Variants in GIGYF2 observed in about 807,000 individuals in gnomAD.
GIGYF2 encodes GRB10 interacting GYF protein 2.
Under a neutral mutation model 208.1 loss-of-function variants are expected in GIGYF2, and 25 were observed. That is an observed-to-expected ratio of 0.12 (90% CI 0.09 to 0.17). The LOEUF (loss-of-function observed/expected upper bound fraction) is 0.17, where lower values mean the gene tolerates loss of function less well. Ranked by LOEUF, GIGYF2 falls within the 10% of genes least tolerant of loss-of-function variation. GIGYF2 has a pLI of 1.00. For missense variants in GIGYF2, 1,302 were observed against 1,579.4 expected (o/e 0.82, Z 2.98); for synonymous variants, 534 against 543.8 (o/e 0.98, Z 0.25).
intron 26 of GIGYF2, among the ~76,000 whole-genome samples, chr2:232,846,831 AGCC>A (rs947125939): frequency 2.7e-4 from 41 of 152,380 alleles, no homozygotes; most frequent in African/African-American, 9.9e-4. Flanking sequence ...AAGGTCACAC[AGCC>A]AGCAAATTTC....
In GIGYF2 at chr2:232,845,912, C is replaced by A. The variant is rs372654754; in HGVS notation, c.3460+26C>A. On this transcript the variant is annotated intron_variant, in intron 26 of 28. Coordinates refer to ENST00000373563, the MANE Select transcript of GIGYF2 (RefSeq NM_001103146.3). Reference sequence around the variant, plus strand: ...GTAAGAATTGGGGAGGGAAACCCGGCATGTGGAATGACAGAGCAGGACCCA... The same window carrying A: ...GTAAGAATTGGGGAGGGAAACCCGGAATGTGGAATGACAGAGCAGGACCCA... The A allele has an allele frequency of 3.4e-6, 5 of 1,464,080 alleles. No homozygotes were observed. In the African/African-American group the frequency reaches 7.0e-5, roughly 20 times the overall value. The allele number at this position is 1,464,080 out of a possible 1,614,324, so 90.7% of individuals were successfully genotyped here.
rs1022163333 is a variant in GIGYF2 at position 232,788,893 on chromosome 2, A to T, written c.712+1564A>T. 2.6e-5 allele frequency among the ~76,000 whole-genome samples: 4 copies of T among 152,150 alleles called. No individual in the cohort carries two copies. The East Asian group carries it at 7.7e-4, about 29-fold the overall frequency. ...GTTTGGGGGATATAAAGATCCCCCA[A>T]ATATAAAGTTTGGGTCTGAAAAAAC... On this transcript the variant is annotated intron_variant, in intron 9 of 28. Coordinates refer to ENST00000373563, the MANE Select transcript of GIGYF2 (RefSeq NM_001103146.3).
rs545351064 is a variant in GIGYF2 at position 232,763,713 on chromosome 2, C to G, written c.532+2277C>G. 3.9e-5 allele frequency among the ~76,000 whole-genome samples: 6 copies of G among 152,076 alleles called. No individual in the cohort carries two copies. In the South Asian group the frequency reaches 6.2e-4, roughly 16 times the overall value. On this transcript the variant is annotated intron_variant, in intron 8 of 28. Coordinates refer to ENST00000373563, the MANE Select transcript of GIGYF2 (RefSeq NM_001103146.3). ...GCGTGGTGGGTGAGCACCTGTACTT[C>G]CAGCTACTGAGGGAGACTGAGGCAG... is the stretch of plus-strand genomic sequence containing the variant.
At chr2:232,699,130 C>T (rs12986696) in intron 1 of GIGYF2, among the ~76,000 whole-genome samples, 1,790 of 152,212 alleles carry the variant, frequency 0.012, 32 homozygotes, top group Non-Finnish European at 0.019. Flanking sequence ...ATTTTAAGTG[C>T]CCTGAGAAGG....
At chr2:232,774,219 C>T (rs1277811525) in intron 8 of GIGYF2, among the ~76,000 whole-genome samples, 1 of 152,018 alleles carries the variant, frequency 6.6e-6, no homozygotes, top group East Asian at 1.9e-4. Flanking sequence ...ATATTGCCTC[C>T]AAAACAGATG....
At chr2:232,827,311 C>A (rs985257787) in intron 21 of GIGYF2, among the ~76,000 whole-genome samples, 1 of 152,096 alleles carries the variant, frequency 6.6e-6, no homozygotes, top group African/African-American at 2.4e-5. Context: ...TGCTTTATTG[C>A]GATCTTCACT....
At chr2:232,838,758 C>T (rs1056513150) in intron 22 of GIGYF2, among the ~76,000 whole-genome samples, 1 of 152,068 alleles carries the variant, frequency 6.6e-6, no homozygotes, top group African/African-American at 2.4e-5. Context: ...AATTTTTGCT[C>T]AGTTTTGCCT....
chr2:232,816,773 A>C (rs1403438679), intron 19 of GIGYF2, 98 bp from the exon 20 acceptor site: 2 of 891,136 alleles, frequency 2.2e-6, no homozygotes, highest in Admixed American at 1.8e-5. Flanking sequence ...AGTACGGTAC[A>C]AGCAGCTGAT....
At position 232,749,006 on chromosome 2, in the gene GIGYF2, A is replaced by G. The variant is rs1698248203; in HGVS notation, c.191A>G (p.Asp64Gly). ...KDNKIPSDLL[D>G]KEFLPILQEE... is the part of the protein sequence containing the mutation. ...CTACAGATACCTTCAGACCTTCTGGATAAAGAATTTCTGCCTATCCTCCAG... is the reference window on the plus strand; with the variant it reads ...CTACAGATACCTTCAGACCTTCTGGGTAAAGAATTTCTGCCTATCCTCCAG... The change falls in exon 5 of 29, where the codon GAT becomes GGT. Residue 64 changes from aspartate to glycine, a missense_variant. This residue lies in a region of GIGYF2 where 189 missense variants were observed against 257.7 expected (regional missense o/e 0.73). Coordinates refer to ENST00000373563, the MANE Select transcript of GIGYF2 (RefSeq NM_001103146.3). The G allele has an allele frequency of 6.3e-7, 1 of 1,587,498 alleles. No homozygotes were observed. The highest frequency in any genetic ancestry group is 8.7e-7 in the Non-Finnish European group (1 of 1,155,682).
intron 8 of GIGYF2, chr2:232,767,413 C>T (rs1574854921): frequency 6.6e-6 from 1 of 152,450 alleles, no homozygotes; most frequent in South Asian, 2.1e-4. Context: ...TGCTAGAAGT[C>T]ATTTAGATGA....
At chr2:232,805,447 G>C (rs1313589700) in intron 14 of GIGYF2, among the ~76,000 whole-genome samples, 1 of 140,398 alleles carries the variant, frequency 7.1e-6, no homozygotes, top group Non-Finnish European at 1.7e-5. Flanking sequence ...TATTACATCT[G>C]TCTGTCTCTG....
chr2:232,846,849 T>G (rs1162089094), intron 26 of GIGYF2, among the ~76,000 whole-genome samples: 1 of 152,196 alleles, frequency 6.6e-6, no homozygotes, highest in Non-Finnish European at 1.5e-5. Flanking sequence ...AATTTCAGAG[T>G]CAGGTTTTAA....
At chr2:232,811,060 C>A in intron 16 of GIGYF2, 184 bp from the exon 17 acceptor site, 1 of 562,406 alleles carries the variant, frequency 1.8e-6, no homozygotes. Flanking sequence ...TCAGTTCTTT[C>A]TAGAATGAAG....
At chr2:232,771,710 A>G (rs1395908480) in intron 8 of GIGYF2, among the ~76,000 whole-genome samples, 4 of 152,250 alleles carry the variant, frequency 2.6e-5, no homozygotes, top group African/African-American at 4.8e-5. Context: ...CCGGGTGTCA[A>G]GCATTTATTG....
intron 1 of GIGYF2, among the ~76,000 whole-genome samples, chr2:232,700,126 G>T (rs1039717876): frequency 6.6e-6 from 1 of 152,162 alleles, no homozygotes; most frequent in African/African-American, 2.4e-5. Context: ...CTTTGGAGTA[G>T]GTTTGCCTCA....
At chr2:232,815,945 G>A in intron 19 of GIGYF2, 1 of 552,986 alleles carries the variant, frequency 1.8e-6, no homozygotes, top group Non-Finnish European at 3.2e-6. Flanking sequence ...TACTATGTTT[G>A]GTTTGGTTAG....
chr2:232,848,233 A>G (rs1401568990), intron 27 of GIGYF2, among the ~76,000 whole-genome samples: 1 of 152,212 alleles, frequency 6.6e-6, no homozygotes, highest in Non-Finnish European at 1.5e-5. Flanking sequence ...TAGCACTACT[A>G]TTCGTGCCCA....
At chr2:232,785,344 A>G (rs1699876781) in intron 8 of GIGYF2, among the ~76,000 whole-genome samples, 1 of 152,134 alleles carries the variant, frequency 6.6e-6, no homozygotes, top group Admixed American at 6.5e-5. Context: ...GGTTCTTGTA[A>G]GGCTGCACTC....
chr2:232,756,992 C>T (rs1008368085), intron 6 of GIGYF2, among the ~76,000 whole-genome samples: 7 of 152,040 alleles, frequency 4.6e-5, no homozygotes, highest in African/African-American at 7.2e-5. Context: ...GTAGCTCTTA[C>T]GTTGACTAAA....
Sources: allele counts gnomAD v4.1 joint callset (sites outside exome capture counted in the v4.1 genomes callset), GRCh38; gene constraint gnomAD v4.1.1; regional missense constraint gnomAD v4.1.1; transcripts MANE v1.5; gene names NCBI Gene and HGNC (gene_info 2026-07-23, HGNC 2026-07-21).